Variants in SPOCK3 observed in about 807,000 individuals in gnomAD.
SPOCK3 encodes SPARC (osteonectin), cwcv and kazal like domains proteoglycan 3.
A neutral mutation model predicts 56.6 loss-of-function variants in SPOCK3; 30 were observed. That is an observed-to-expected ratio of 0.53 (90% CI 0.40 to 0.72). The LOEUF (loss-of-function observed/expected upper bound fraction) is 0.72, where lower values mean the gene tolerates loss of function less well. Among genes scored for constraint, SPOCK3 ranks in the 30% least tolerant of loss-of-function variants. The probability of loss-of-function intolerance (pLI) is 0.00; values close to 1 mark genes in which losing one functional copy is unlikely to be tolerated. For missense variants in SPOCK3, 527 were observed against 530.0 expected (o/e 0.99, Z 0.06); for synonymous variants, 196 against 183.3 (o/e 1.07, Z -0.56).
chr4:167,204,749 T>C (rs1733859571), intron 2 of SPOCK3, among the ~76,000 whole-genome samples: 1 of 151,914 alleles, frequency 6.6e-6, no homozygotes, highest in Non-Finnish European at 1.5e-5. Flanking sequence ...TCTAACCTTT[T>C]AAAGTCACTG....
Position 167,062,514 on chromosome 4 carries a change from A to G in SPOCK3, c.213T>C (p.Ser71=). 2 of 1,607,266 alleles carry G rather than the reference A, an allele frequency of 1.2e-6. No homozygotes were observed. The highest frequency in any genetic ancestry group is 1.7e-6 in the Non-Finnish European group (2 of 1,175,070). Reference sequence around the variant, plus strand: ...TACCCTGATCGAAGGGTTTTCCTGGACTCCAAGTGCGGAAATAATCATCCT... The same window carrying G: ...TACCCTGATCGAAGGGTTTTCCTGGGCTCCAAGTGCGGAAATAATCATCCT... ...FRDDDYFRTW[S]PGKPFDQALD... Residue 71 remains serine (S), a synonymous_variant, in exon 3 of 11, where the codon AGT becomes AGC. Transcript: ENST00000357545.
chr4:166,813,383 A>G (rs1190811125), intron 6 of SPOCK3, among the ~76,000 whole-genome samples: 1 of 152,010 alleles, frequency 6.6e-6, no homozygotes. Context: ...GCTCTGAGGA[A>G]TGTACCTGAA....
chr4:166,967,608 C>T (rs1214023715), intron 4 of SPOCK3, among the ~76,000 whole-genome samples: 1 of 152,198 alleles, frequency 6.6e-6, no homozygotes, highest in Non-Finnish European at 1.5e-5. Flanking sequence ...TTTCCTGAGG[C>T]CTCCCCAGTC....
chr4:166,744,641 G>T (rs548920099), intron 8 of SPOCK3, among the ~76,000 whole-genome samples: 1 of 152,184 alleles, frequency 6.6e-6, no homozygotes, highest in Non-Finnish European at 1.5e-5. Context: ...TGACTTTGAC[G>T]AGTTGACAGA....
At chr4:166,808,784 T>C (rs1412137255) in intron 6 of SPOCK3, among the ~76,000 whole-genome samples, 1 of 152,106 alleles carries the variant, frequency 6.6e-6, no homozygotes, top group Non-Finnish European at 1.5e-5. Context: ...ATTCCTGCAT[T>C]TCTAAGTCTT....
intron 6 of SPOCK3, among the ~76,000 whole-genome samples, chr4:166,835,534 T>C (rs1054174229): frequency 2.6e-5 from 4 of 152,178 alleles, no homozygotes; most frequent in Admixed American, 2.0e-4. Context: ...TATGAAACCT[T>C]CACTATTCCT....
chr4:166,755,045 T>C (rs1228611086), intron 7 of SPOCK3, among the ~76,000 whole-genome samples: 1 of 152,022 alleles, frequency 6.6e-6, no homozygotes, highest in Non-Finnish European at 1.5e-5. Context: ...ATAAATAGTA[T>C]ATCATGATAA....
chr4:166,751,108 C>T (rs1168931993), intron 8 of SPOCK3, among the ~76,000 whole-genome samples: 1 of 152,164 alleles, frequency 6.6e-6, no homozygotes, highest in Non-Finnish European at 1.5e-5. Context: ...TTATTGGTCA[C>T]GTAGCCTCTC....
intron 3 of SPOCK3, among the ~76,000 whole-genome samples, chr4:167,032,938 C>T (rs1752411214): frequency 6.6e-6 from 1 of 151,822 alleles, no homozygotes; most frequent in African/African-American, 2.4e-5. Context: ...CTTCTTAGTT[C>T]CCTGTGAAAA....
At chr4:167,137,511 A>G (rs1252246456) in intron 2 of SPOCK3, among the ~76,000 whole-genome samples, 2 of 151,950 alleles carry the variant, frequency 1.3e-5, no homozygotes, top group Non-Finnish European at 2.9e-5. Context: ...AATTCTTTGG[A>G]CAAAATTTGA....
chr4:166,796,651 T>G (rs1741968257), intron 6 of SPOCK3, among the ~76,000 whole-genome samples: 1 of 152,182 alleles, frequency 6.6e-6, no homozygotes, highest in Non-Finnish European at 1.5e-5. Flanking sequence ...CAGGCATAAT[T>G]TATTATTTTT....
intron 7 of SPOCK3, among the ~76,000 whole-genome samples, chr4:166,763,776 C>A (rs148831538): frequency 7.9e-5 from 12 of 152,036 alleles, no homozygotes; most frequent in African/African-American, 2.2e-4. Flanking sequence ...AGAGCAAACA[C>A]CAAAAAGTAA....
chr4:167,000,135 T>C lies in SPOCK3; in HGVS notation c.350+214A>G, dbSNP rs1165502197. ...TCTTTATAAGACCTTCTTTATTTAA[T>C]AATATATGCCTCAAATTCTATAATC... On this transcript the variant is annotated intron_variant, in intron 4 of 10. Transcript: ENST00000357545. Among the ~76,000 whole-genome samples the C allele has an allele frequency of 5.3e-5, 8 of 152,204 alleles. No individual in the cohort carries two copies. In the East Asian group the frequency reaches 1.5e-3, roughly 29 times the overall value.
intron 4 of SPOCK3, among the ~76,000 whole-genome samples, chr4:166,971,198 T>C (rs918598254): frequency 4.6e-5 from 7 of 152,228 alleles, no homozygotes; most frequent in African/African-American, 1.4e-4. Context: ...TTCTGACACA[T>C]AAATATTTGT....
At chr4:166,936,873 T>C (rs545996804) in intron 4 of SPOCK3, among the ~76,000 whole-genome samples, 7 of 152,250 alleles carry the variant, frequency 4.6e-5, no homozygotes, top group Non-Finnish European at 8.8e-5. Context: ...CACGAATTTA[T>C]CTATATTCCA....
intron 2 of SPOCK3, among the ~76,000 whole-genome samples, chr4:167,198,203 C>T (rs1010710185): frequency 3.3e-5 from 5 of 152,028 alleles, no homozygotes. Context: ...GAATGAGATC[C>T]ATTTGGTGTT....
At chr4:167,198,462 C>T (rs76950710) in intron 2 of SPOCK3, among the ~76,000 whole-genome samples, 11,150 of 152,074 alleles carry the variant, frequency 0.073, 566 homozygotes, top group Middle Eastern at 0.16. Context: ...CCCATGTCTA[C>T]GCAAATATGC....
chr4:167,212,750 C>T (rs1243068559), intron 2 of SPOCK3, among the ~76,000 whole-genome samples: 2 of 152,148 alleles, frequency 1.3e-5, no homozygotes, highest in Non-Finnish European at 2.9e-5. Flanking sequence ...GAACAGAAAT[C>T]ACATTCAATT....
chr4:166,806,383 C>T (rs1273791617), intron 6 of SPOCK3, among the ~76,000 whole-genome samples: 3 of 151,908 alleles, frequency 2.0e-5, no homozygotes, highest in East Asian at 1.9e-4. Context: ...TTAACAAGGT[C>T]ATCTCCCTGG....
Sources: allele counts gnomAD v4.1 joint callset (sites outside exome capture counted in the v4.1 genomes callset), GRCh38; gene constraint gnomAD v4.1.1; transcripts MANE v1.5; gene names NCBI Gene and HGNC (gene_info 2026-07-23, HGNC 2026-07-21).